Variants in TSHR observed in about 807,000 individuals in gnomAD.
TSHR encodes the protein thyrotropin receptor.
A neutral mutation model predicts 64.1 loss-of-function variants in TSHR; 51 were observed. The ratio of observed to expected loss-of-function variants is 0.80; its 90% CI spans 0.64 to 1.01. TSHR has a LOEUF of 1.01. Ranked by LOEUF, TSHR falls within the 50% of genes least tolerant of loss-of-function variation. The probability of loss-of-function intolerance (pLI) is 0.00; values close to 1 mark genes in which losing one functional copy is unlikely to be tolerated. For missense variants in TSHR, 877 were observed against 942.8 expected (o/e 0.93, Z 0.91); for synonymous variants, 361 against 361.9 (o/e 1.00, Z 0.03).
chr14:81,091,227 G>C, intron 5 of TSHR, 84 bp downstream of exon 5: 1 of 1,212,980 alleles, frequency 8.2e-7, no homozygotes, highest in Non-Finnish European at 1.2e-6. Context: ...GTAGGTTGAA[G>C]ATAAGTAAAG....
intron 1 of TSHR, among the ~76,000 whole-genome samples, chr14:80,962,631 C>T (rs550133738): frequency 6.6e-6 from 1 of 152,290 alleles, no homozygotes; most frequent in Admixed American, 6.5e-5. Context: ...CTTTAACCCA[C>T]CATAATGAAG....
intron 1 of TSHR, among the ~76,000 whole-genome samples, chr14:81,047,020 C>G (rs993630859): frequency 2.0e-5 from 3 of 152,018 alleles, no homozygotes; most frequent in Admixed American, 6.6e-5. Flanking sequence ...AAAAGTTGAG[C>G]GAAGTCATTT....
At chr14:81,104,124 C>T (rs941221982) in intron 7 of TSHR, 4 of 985,370 alleles carry the variant, frequency 4.1e-6, no homozygotes, top group Non-Finnish European at 4.8e-6. Flanking sequence ...CTGACTTTTC[C>T]CTCTGCCTAT....
chr14:80,962,587 G>A lies in TSHR; in HGVS notation c.170+6737G>A, dbSNP rs1399388163. Among the ~76,000 whole-genome samples the A allele has an allele frequency of 2.6e-5, 4 of 152,160 alleles. No individual in the cohort carries two copies. In the East Asian group the frequency reaches 7.7e-4, roughly 29 times the overall value. On this transcript the variant is annotated intron_variant, in intron 1 of 9. Transcript: ENST00000298171. ...GTATTTCCAAGTAAAGTCACATTTTGTGGTTCCAGGTAGATATGAATTTTG... is the reference window on the plus strand; with the variant it reads ...GTATTTCCAAGTAAAGTCACATTTTATGGTTCCAGGTAGATATGAATTTTG...
chr14:80,998,008 T>C (rs1307657318), intron 1 of TSHR, among the ~76,000 whole-genome samples: 1 of 152,200 alleles, frequency 6.6e-6, no homozygotes, highest in Admixed American at 6.5e-5. Context: ...GCATTCTCAT[T>C]GTACAACAGT....
At chr14:80,969,683 A>G (rs143263326) in intron 1 of TSHR, among the ~76,000 whole-genome samples, 130 of 152,198 alleles carry the variant, frequency 8.5e-4, no homozygotes, top group African/African-American at 2.9e-3. Context: ...ATTCATGTTC[A>G]TTTCTCCAAA....
At chr14:81,013,971 T>G (rs533249816) in intron 1 of TSHR, 1 of 152,322 alleles carries the variant, frequency 6.6e-6, no homozygotes, top group African/African-American at 2.4e-5. Context: ...GAAAAAAAAG[T>G]GTACTAATCC....
intron 1 of TSHR, chr14:81,053,642 T>C (rs562102188): frequency 4.6e-5 from 7 of 152,308 alleles, no homozygotes; most frequent in African/African-American, 1.7e-4. Flanking sequence ...ACAATCACTT[T>C]GGAAACTGGA....
At chr14:81,092,742 T>A in intron 6 of TSHR, 134 bp downstream of exon 6, 1 of 815,080 alleles carries the variant, frequency 1.2e-6, no homozygotes, top group Non-Finnish European at 2.1e-6. Context: ...TTTACACAAT[T>A]AAATAATAGT....
chr14:81,125,265 GAGAAAACAAAGGCATGTCTATA>G (rs1044194736), intron 8 of TSHR, among the ~76,000 whole-genome samples: 1 of 152,090 alleles, frequency 6.6e-6, no homozygotes, highest in Non-Finnish European at 1.5e-5. Context: ...AGAGTTATGA[GAGAAAACAAAGGCATGTCTATA>G]GGAAAACATG....
At position 81,143,248 on chromosome 14, in the gene TSHR, T is replaced by A; in HGVS notation, c.1190T>A (p.Val397Glu). The change falls in exon 10 of 10, where the codon GTG becomes GAG. Residue 397 changes from valine to glutamate, a missense_variant. Val to Glu is a moderately radical substitution (Grantham distance 121). Transcript: ENST00000298171. Reference protein sequence around the residue: ...YTICGDSEDMVCTPKSDEFNP... With the variant: ...YTICGDSEDMECTPKSDEFNP... ...ATATGTGGGGACAGTGAAGACATGG[T>A]GTGTACCCCCAAGTCCGATGAGTTC... The A allele has an allele frequency of 6.2e-7, 1 of 1,614,134 alleles. No individual in the cohort carries two copies. Among genetic ancestry groups the A allele is most frequent in the East Asian group, 2.2e-5 (1 of 44,876 alleles).
rs201530269 is a variant in TSHR, at chr14:81,011,859, A to AAAATAAAT, written c.171-50269_171-50262dup. Among the ~76,000 whole-genome samples the AAAATAAAT allele has an allele frequency of 5.3e-5, 8 of 151,718 alleles. No individual in the cohort carries two copies. The East Asian group carries it at 7.7e-4, about 15-fold the overall frequency. ...TGGCGACAGAGGGAGACTCTGTCTC[A>AAAATAAAT]AAATAAATAAATAAATAAATAAATA... On this transcript the variant is annotated intron_variant, in intron 1 of 9. Transcript: ENST00000298171.
chr14:81,069,533 T>C (rs947996170), intron 3 of TSHR, among the ~76,000 whole-genome samples: 6 of 152,230 alleles, frequency 3.9e-5, no homozygotes, highest in African/African-American at 1.4e-4. Context: ...TTGGTTATTT[T>C]CCCTTGAGGT....
At chr14:81,073,381 T>C (rs1887259715) in intron 3 of TSHR, among the ~76,000 whole-genome samples, 1 of 152,096 alleles carries the variant, frequency 6.6e-6, no homozygotes, top group Non-Finnish European at 1.5e-5. Flanking sequence ...CTTGATCATA[T>C]TGGCTTATAA....
At chr14:80,975,030 C>G (rs1167581084) in intron 1 of TSHR, among the ~76,000 whole-genome samples, 1 of 152,136 alleles carries the variant, frequency 6.6e-6, no homozygotes, top group Non-Finnish European at 1.5e-5. Context: ...CATTCTGTGT[C>G]TTACCTTTTG....
chr14:81,128,085 T>C (rs367909247), intron 8 of TSHR, among the ~76,000 whole-genome samples: 30 of 152,322 alleles, frequency 2.0e-4, no homozygotes, highest in East Asian at 1.9e-3. Flanking sequence ...TAAGAAATGA[T>C]TGTAGTAATA....
chr14:80,973,429 A>AAAAAAAAAAAAAAAAAAAAAAAAAC (rs1566743346), intron 1 of TSHR, among the ~76,000 whole-genome samples: 2 of 146,234 alleles, frequency 1.4e-5, no homozygotes, highest in South Asian at 2.2e-4. Context: ...AAAAAAAAAA[A>AAAAAAAAAAAAAAAAAAAAAAAAAC]TCTGTGTACT....
At chr14:81,085,344 T>C (rs1203454802) in intron 3 of TSHR, among the ~76,000 whole-genome samples, 2 of 152,230 alleles carry the variant, frequency 1.3e-5, no homozygotes, top group East Asian at 3.8e-4. Flanking sequence ...CTTCAGGAGA[T>C]ACTTTTCAAA....
chr14:81,109,433 A>C (rs1182518614), intron 8 of TSHR, among the ~76,000 whole-genome samples: 2 of 152,108 alleles, frequency 1.3e-5, no homozygotes, highest in Non-Finnish European at 2.9e-5. Context: ...ACAAAAACAA[A>C]ACAAAACAAA....
Sources: gnomAD v4.1 joint callset for allele counts (sites outside exome capture counted in the v4.1 genomes callset) on GRCh38, gnomAD v4.1.1 for gene constraint, MANE v1.5 for transcripts, NCBI Gene and HGNC (gene_info 2026-07-23, HGNC 2026-07-21) for gene names.